XRCC4: variants seen among roughly 807,000 people sequenced by gnomAD.
XRCC4 encodes X-ray repair cross complementing 4.
A neutral mutation model predicts 39.1 loss-of-function variants in XRCC4; 28 were observed. That is an observed-to-expected ratio of 0.72 (90% confidence interval 0.53 to 0.98). The LOEUF is 0.98. Among genes scored for constraint, XRCC4 ranks in the 50% least tolerant of loss-of-function variants. XRCC4 has a pLI of 0.00. For missense variants in XRCC4, 350 were observed against 376.4 expected, an observed-to-expected ratio of 0.93 and a Z score of 0.58; for synonymous variants, 123 against 126.4, an observed-to-expected ratio of 0.97 and a Z score of 0.18.
chr5:83,129,395 G>T (rs1278615608), intron 3 of XRCC4, among the ~76,000 whole-genome samples: 2 of 151,934 alleles, frequency 1.3e-5, no homozygotes, highest in African/African-American at 4.8e-5. Flanking sequence ...AGTATAGTTT[G>T]AAGTCAGGTA....
chr5:83,173,356 G>A (rs888107972), intron 3 of XRCC4, among the ~76,000 whole-genome samples: 1 of 151,986 alleles, frequency 6.6e-6, no homozygotes, highest in African/African-American at 2.4e-5. Flanking sequence ...GAAAAAACAC[G>A]GTATTAATGA....
intron 1 of XRCC4, among the ~76,000 whole-genome samples, chr5:83,080,525 CAAA>C (rs33921507): frequency 1.0e-3 from 132 of 128,330 alleles, no homozygotes; most frequent in Non-Finnish European, 1.1e-3. Flanking sequence ...GACTCCATCT[CAAA>C]AAAAAAAAAA....
intron 7 of XRCC4, among the ~76,000 whole-genome samples, chr5:83,323,011 A>ATTTTTTT (rs1756128926): frequency 6.6e-6 from 1 of 152,178 alleles, no homozygotes; most frequent in African/African-American, 2.4e-5. Context: ...TAATTGTTAT[A>ATTTTTTT]GTACAGCAAG....
chr5:83,205,050 T>C (rs1210938895), intron 6 of XRCC4, 129 bp downstream of exon 6: 1 of 616,408 alleles, frequency 1.6e-6, no homozygotes, highest in East Asian at 2.9e-5. Flanking sequence ...AGCATTTTTA[T>C]TTTAAAAACT....
chr5:83,088,796 A>G (rs1745295877), intron 1 of XRCC4, among the ~76,000 whole-genome samples: 1 of 152,198 alleles, frequency 6.6e-6, no homozygotes, highest in Admixed American at 6.5e-5. Flanking sequence ...TAATAAGATA[A>G]TCATTCTTGA....
intron 6 of XRCC4, among the ~76,000 whole-genome samples, chr5:83,245,633 T>G (rs1753071593): frequency 6.6e-6 from 1 of 152,142 alleles, no homozygotes; most frequent in African/African-American, 2.4e-5. Context: ...TTATTTAGAT[T>G]TCCAATAAAA....
At chr5:83,078,210 G>A (rs958348720) in intron 1 of XRCC4, among the ~76,000 whole-genome samples, 1 of 152,178 alleles carries the variant, frequency 6.6e-6, no homozygotes, top group Non-Finnish European at 1.5e-5. Flanking sequence ...AGCTTTTTCT[G>A]ATTTTAATTA....
chr5:83,354,716 A>G (rs1040124894), downstream of XRCC4, among the ~76,000 whole-genome samples: 1 of 152,100 alleles, frequency 6.6e-6, no homozygotes, highest in African/African-American at 2.4e-5. Flanking sequence ...GGGAAATTTC[A>G]CTACCACAAT....
chr5:83,239,687 G>A (rs1752828279), intron 6 of XRCC4, among the ~76,000 whole-genome samples: 1 of 151,912 alleles, frequency 6.6e-6, no homozygotes, highest in Admixed American at 6.6e-5. Flanking sequence ...AAATTAGCCG[G>A]GCATGGTGGC....
At chr5:83,110,991 CT>C in intron 2 of XRCC4, 36 bp from the exon 3 acceptor site, 1 of 1,571,088 alleles carries the variant, frequency 6.4e-7, no homozygotes, top group Non-Finnish European at 8.6e-7. Flanking sequence ...TAGTCATTTA[CT>C]TTTCATTTTA....
chr5:83,312,620 T>C (rs1284027900), intron 7 of XRCC4, among the ~76,000 whole-genome samples: 1 of 152,100 alleles, frequency 6.6e-6, no homozygotes, highest in Non-Finnish European at 1.5e-5. Flanking sequence ...TAAAAATGAG[T>C]TGGAAATGAA....
chr5:83,248,492 A>C (rs1163283346), intron 6 of XRCC4, among the ~76,000 whole-genome samples: 1 of 152,164 alleles, frequency 6.6e-6, no homozygotes, highest in Non-Finnish European at 1.5e-5. Flanking sequence ...TTTCAAGATG[A>C]AGTTTTGAAA....
At chr5:83,257,074 A>G (rs1026370253) in intron 6 of XRCC4, among the ~76,000 whole-genome samples, 2 of 152,184 alleles carry the variant, frequency 1.3e-5, no homozygotes, top group Admixed American at 1.3e-4. Flanking sequence ...ACAGTGTCCA[A>G]GTTGTCTCGT....
intron 6 of XRCC4, among the ~76,000 whole-genome samples, chr5:83,213,704 T>G (rs1751741081): frequency 6.6e-6 from 1 of 152,074 alleles, no homozygotes; most frequent in South Asian, 2.1e-4. Context: ...ACTTCCCAAC[T>G]CATTTTGTGA....
intron 3 of XRCC4, among the ~76,000 whole-genome samples, chr5:83,131,196 C>T (rs759051240): frequency 1.4e-4 from 22 of 152,154 alleles, no homozygotes; most frequent in Non-Finnish European, 2.6e-4. Flanking sequence ...TTTCAAAGAA[C>T]ATCTTTATTT....
At chr5:83,300,546 T>TTGTGTGTGTGTGTGTG (rs70973389) in intron 7 of XRCC4, among the ~76,000 whole-genome samples, 48 of 126,988 alleles carry the variant, frequency 3.8e-4, no homozygotes, top group African/African-American at 1.1e-3. Flanking sequence ...TATCTTTTGT[T>TTGTGTGTGTGTGTGTG]TGTGTGTGTG....
At chr5:83,233,841 G>A (rs1580403588) in intron 6 of XRCC4, among the ~76,000 whole-genome samples, 1 of 146,842 alleles carries the variant, frequency 6.8e-6, no homozygotes, top group East Asian at 2.0e-4. Context: ...GGTGGAGGTT[G>A]CAATAAGCTT....
intron 3 of XRCC4, among the ~76,000 whole-genome samples, chr5:83,165,953 T>C (rs1417400491): frequency 6.6e-6 from 1 of 151,096 alleles, no homozygotes; most frequent in Non-Finnish European, 1.5e-5. Flanking sequence ...TGACGCAATC[T>C]TGGCTCACTG....
At chr5:83,177,741 A>G (rs991401363) in intron 3 of XRCC4, among the ~76,000 whole-genome samples, 8 of 152,194 alleles carry the variant, frequency 5.3e-5, no homozygotes, top group Non-Finnish European at 8.8e-5. Context: ...AATGTTTCAG[A>G]AAAGTGGATC....
Sources: allele counts gnomAD v4.1 joint callset (sites outside exome capture counted in the v4.1 genomes callset), GRCh38; gene constraint gnomAD v4.1.1; transcripts MANE v1.5; gene names NCBI Gene and HGNC (gene_info 2026-07-23, HGNC 2026-07-21).